CASQ2: variants seen among roughly 807,000 people sequenced by gnomAD.
The protein encoded by CASQ2 is calsequestrin-2.
In CASQ2, 49 loss-of-function variants were observed where a neutral mutation model predicts 46.5. That is an observed-to-expected ratio of 1.05 (90% CI 0.84 to 1.34). CASQ2 has a LOEUF of 1.34. Ranked by LOEUF, CASQ2 falls within the 40% of genes most tolerant of loss-of-function variation. The pLI is 0.00. For missense variants in CASQ2, 486 were observed against 481.3 expected, an observed-to-expected ratio of 1.01 and a Z score of -0.09; for synonymous variants, 174 against 168.5, an observed-to-expected ratio of 1.03 and a Z score of -0.25.
At chr1:115,742,411 C>T (rs907911953) in intron 2 of CASQ2, among the ~76,000 whole-genome samples, 8 of 151,930 alleles carry the variant, frequency 5.3e-5, no homozygotes, top group Non-Finnish European at 1.2e-4. Context: ...TGAGGCACAA[C>T]TTGATAGAGG....
intron 5 of CASQ2, 83 bp from the exon 6 acceptor site, chr1:115,727,205 A>T (rs777660729): frequency 9.1e-7 from 1 of 1,097,120 alleles, no homozygotes; most frequent in Non-Finnish European, 1.4e-6. Context: ...ATAAGTGTGT[A>T]TGTTTTCCGG....
At chr1:115,764,852 C>T (rs900790109) in intron 1 of CASQ2, among the ~76,000 whole-genome samples, 8 of 152,292 alleles carry the variant, frequency 5.3e-5, no homozygotes, top group African/African-American at 1.9e-4. Flanking sequence ...TTGTCAAGCC[C>T]TGTTCTCACG....
rs180956898 is a variant in CASQ2 at position 115,768,563 on chromosome 1, G to C, written c.-22C>G. On this transcript the variant is annotated 5_prime_UTR_variant, in exon 1 of 11. Transcript: ENST00000261448. Reference sequence around the variant, plus strand: ...TCATTTGGGAAAACTTTTGTTTCTCGTTCCCAAATATGCTGTGTGCAGAAT... The same window carrying C: ...TCATTTGGGAAAACTTTTGTTTCTCCTTCCCAAATATGCTGTGTGCAGAAT... 2 of 1,503,852 alleles carry C rather than the reference G, an allele frequency of 1.3e-6. No individual in the cohort carries two copies. Among genetic ancestry groups the C allele is most frequent in the Non-Finnish European group, 1.8e-6 (2 of 1,081,412 alleles). 93.2% of individuals were successfully genotyped at this position (1,503,852 alleles called of 1,614,324 possible).
At chr1:115,744,232 C>T (rs1456039395) in intron 2 of CASQ2, among the ~76,000 whole-genome samples, 5 of 152,178 alleles carry the variant, frequency 3.3e-5, no homozygotes, top group East Asian at 1.9e-4. Context: ...GGTTGTGAAT[C>T]CTAAAGTGCA....
intron 8 of CASQ2, among the ~76,000 whole-genome samples, 171 bp downstream of exon 8, chr1:115,717,669 G>A (rs191579703): frequency 1.6e-4 from 25 of 152,336 alleles, no homozygotes; most frequent in Admixed American, 7.8e-4. Context: ...TCTCTTAGCC[G>A]TGTGCACAAT....
intron 1 of CASQ2, among the ~76,000 whole-genome samples, chr1:115,760,433 C>T (rs1394548428): frequency 1.3e-5 from 2 of 152,188 alleles, no homozygotes; most frequent in Non-Finnish European, 2.9e-5. Flanking sequence ...GATGAGGTCT[C>T]ACTATGTTGC....
chr1:115,748,637 C>T (rs1310883122), intron 1 of CASQ2, among the ~76,000 whole-genome samples: 2 of 152,148 alleles, frequency 1.3e-5, no homozygotes, highest in Admixed American at 6.5e-5. Flanking sequence ...TCTGCAGTGC[C>T]TAAACAGACC....
At chr1:115,704,943 C>T (rs1272805588) in intron 9 of CASQ2, among the ~76,000 whole-genome samples, 4 of 152,216 alleles carry the variant, frequency 2.6e-5, no homozygotes, top group African/African-American at 7.2e-5. Context: ...TTACCCTGCT[C>T]ACTTGGGTGG....
At chr1:115,752,694 A>C (rs1648624492) in intron 1 of CASQ2, among the ~76,000 whole-genome samples, 1 of 152,196 alleles carries the variant, frequency 6.6e-6, no homozygotes, top group South Asian at 2.1e-4. Flanking sequence ...ATTAGAAAAA[A>C]AGTGTGAAGG....
chr1:115,709,002 G>A (rs539327108), intron 8 of CASQ2, among the ~76,000 whole-genome samples: 1 of 152,202 alleles, frequency 6.6e-6, no homozygotes, highest in Non-Finnish European at 1.5e-5. Flanking sequence ...TAATTCCTTT[G>A]CTTTTAAGGC....
chr1:115,739,282 T>TGG (rs201877488), intron 3 of CASQ2, among the ~76,000 whole-genome samples: 1,595 of 146,982 alleles, frequency 0.011, 35 homozygotes, highest in East Asian at 0.098. Context: ...TAAGTTTTTT[T>TGG]ATTTTTGTAT....
At chr1:115,729,174 C>T (rs1049573141) in intron 5 of CASQ2, among the ~76,000 whole-genome samples, 3 of 151,550 alleles carry the variant, frequency 2.0e-5, no homozygotes, top group African/African-American at 4.8e-5. Flanking sequence ...CTCAGCCTCC[C>T]GAGTAGCTGG....
At chr1:115,730,845 G>A (rs960449411) in intron 5 of CASQ2, among the ~76,000 whole-genome samples, 3 of 152,152 alleles carry the variant, frequency 2.0e-5, no homozygotes, top group African/African-American at 4.8e-5. Context: ...AGCACCTCCA[G>A]GTCCCTCTGA....
intron 1 of CASQ2, among the ~76,000 whole-genome samples, chr1:115,760,651 G>A (rs577785112): frequency 2.6e-5 from 4 of 152,320 alleles, no homozygotes; most frequent in South Asian, 2.1e-4. Flanking sequence ...AAAAACTGTA[G>A]CATCTGGACA....
chr1:115,739,282 TA>T (rs1648088625), intron 3 of CASQ2, among the ~76,000 whole-genome samples: 2 of 147,122 alleles, frequency 1.4e-5, no homozygotes, highest in East Asian at 2.0e-4. Context: ...TAAGTTTTTT[TA>T]TTTTTGTATT....
chr1:115,717,695 A>C (rs1647215972), intron 8 of CASQ2, 145 bp downstream of exon 8: 2 of 759,258 alleles, frequency 2.6e-6, no homozygotes, highest in Non-Finnish European at 4.8e-6. Context: ...ACGAACTCAT[A>C]CTTAATGGGC....
At chr1:115,728,482 A>G (rs1010941706) in intron 5 of CASQ2, among the ~76,000 whole-genome samples, 2 of 152,142 alleles carry the variant, frequency 1.3e-5, no homozygotes, top group Non-Finnish European at 2.9e-5. Context: ...GGTGATGTAG[A>G]TGATGAGGTG....
At chr1:115,749,601 A>T (rs1648507210) in intron 1 of CASQ2, among the ~76,000 whole-genome samples, 1 of 152,222 alleles carries the variant, frequency 6.6e-6, no homozygotes, top group African/African-American at 2.4e-5. Flanking sequence ...GATAAGACCC[A>T]AAACTTGCCC....
chr1:115,750,739 C>T (rs965486436), intron 1 of CASQ2, among the ~76,000 whole-genome samples: 16 of 152,196 alleles, frequency 1.1e-4, no homozygotes, highest in Admixed American at 3.3e-4. Flanking sequence ...AGCTCCTGGG[C>T]TCAATAATCC....
Sources: gnomAD v4.1 joint callset for allele counts (sites outside exome capture counted in the v4.1 genomes callset) on GRCh38, gnomAD v4.1.1 for gene constraint, MANE v1.5 for transcripts, NCBI Gene and HGNC (gene_info 2026-07-23, HGNC 2026-07-21) for gene names.